The following TMEFF2 variants were observed in gnomAD, a reference collection of about 807,000 sequenced individuals.
TMEFF2 encodes the protein transmembrane protein with EGF like and two follistatin like domains 2.
In TMEFF2, 28 loss-of-function variants were observed where a neutral mutation model predicts 53.8. The observed-to-expected ratio is 0.52, with a 90% CI of 0.39 to 0.71. TMEFF2 has a LOEUF of 0.71. TMEFF2 is among the 30% of genes least tolerant of loss of function. The pLI, the probability that TMEFF2 is intolerant of heterozygous loss-of-function variation, is 0.00. For missense variants in TMEFF2, 353 were observed against 455.2 expected (o/e 0.78, Z 2.04); for synonymous variants, 162 against 166.3 (o/e 0.97, Z 0.20).
chr2:192,042,352 T>A (rs191961314), intron 5 of TMEFF2, among the ~76,000 whole-genome samples: 1 of 152,166 alleles, frequency 6.6e-6, no homozygotes, highest in African/African-American at 2.4e-5. Flanking sequence ...TCACGTGGTG[T>A]TGTCACACAC....
At chr2:192,002,038 T>TTTA (rs112135470) in intron 5 of TMEFF2, among the ~76,000 whole-genome samples, 6,370 of 148,238 alleles carry the variant, frequency 0.043, 435 homozygotes, top group African/African-American at 0.15. Flanking sequence ...TTATTTATTA[T>TTTA]TTTTCAGTTT....
chr2:192,083,330 A>C (rs571804669), intron 4 of TMEFF2, among the ~76,000 whole-genome samples: 1 of 152,206 alleles, frequency 6.6e-6, no homozygotes, highest in Admixed American at 6.5e-5. Flanking sequence ...CAATCATCTA[A>C]ACTCAGTGTA....
At chr2:192,017,175 G>T (rs1466841078) in intron 5 of TMEFF2, among the ~76,000 whole-genome samples, 1 of 152,190 alleles carries the variant, frequency 6.6e-6, no homozygotes, top group African/African-American at 2.4e-5. Flanking sequence ...AGAGCTGGAG[G>T]TTCCCATGCA....
At chr2:192,020,000 T>C (rs1686826325) in intron 5 of TMEFF2, among the ~76,000 whole-genome samples, 1 of 152,146 alleles carries the variant, frequency 6.6e-6, no homozygotes, top group Admixed American at 6.5e-5. Context: ...TTTCATACTA[T>C]GCTTCTAGGA....
chr2:191,975,383 C>G (rs1032024203), intron 7 of TMEFF2, among the ~76,000 whole-genome samples: 6 of 133,388 alleles, frequency 4.5e-5, no homozygotes. Context: ...TTAACAATCT[C>G]TTGTAGTAAA....
At chr2:192,000,456 C>T (rs1177717961) in intron 5 of TMEFF2, among the ~76,000 whole-genome samples, 4 of 152,164 alleles carry the variant, frequency 2.6e-5, no homozygotes, top group African/African-American at 7.2e-5. Flanking sequence ...TAAAACCCAA[C>T]CCCCTCTCTC....
At chr2:192,094,329 G>A (rs546468826) in intron 4 of TMEFF2, among the ~76,000 whole-genome samples, 1 of 152,234 alleles carries the variant, frequency 6.6e-6, no homozygotes, top group Admixed American at 6.5e-5. Flanking sequence ...AATGTGTGAT[G>A]CAGCTTCTCA....
At chr2:191,953,961 T>TC in intron 8 of TMEFF2, 124 bp from the exon 9 acceptor site, 1 of 807,902 alleles carries the variant, frequency 1.2e-6, no homozygotes, top group Non-Finnish European at 1.7e-6. Flanking sequence ...GCATCTCGGC[T>TC]CACTGCAAGT....
At chr2:192,023,449 A>G (rs1174697530) in intron 5 of TMEFF2, among the ~76,000 whole-genome samples, 1 of 152,190 alleles carries the variant, frequency 6.6e-6, no homozygotes, top group African/African-American at 2.4e-5. Flanking sequence ...CATGGGAAAC[A>G]GAAAGGTGAT....
intron 7 of TMEFF2, among the ~76,000 whole-genome samples, chr2:191,956,873 A>T (rs1692117192): frequency 2.6e-5 from 4 of 152,372 alleles, no homozygotes; most frequent in Admixed American, 2.6e-4. Flanking sequence ...CAACAAATGT[A>T]TTCTTTCAGG....
intron 4 of TMEFF2, among the ~76,000 whole-genome samples, chr2:192,172,099 T>A (rs73984907): frequency 0.11 from 17,166 of 151,914 alleles, 1,102 homozygotes; most frequent in African/African-American, 0.16. Context: ...TGCTCACATC[T>A]ATGGTGATTA....
rs185003021 is a variant in TMEFF2 at position 192,069,093 on chromosome 2, A to G, written c.440-11318T>C. On this transcript the variant is annotated intron_variant, in intron 4 of 9. Transcript: ENST00000272771. Reference sequence around the variant, plus strand: ...TAGATCCAGCTACATACCTTCCTTGACCCCCTACTCGACTCACATTGAGAG... The same window carrying G: ...TAGATCCAGCTACATACCTTCCTTGGCCCCCTACTCGACTCACATTGAGAG... 3.0e-3 allele frequency among the ~76,000 whole-genome samples: 449 copies of G among 150,474 alleles called. 1 individual carries two copies. Among genetic ancestry groups the G allele is most frequent in the Non-Finnish European group, 5.0e-3 (338 of 67,414 alleles).
chr2:192,073,311 G>T (rs1688334055), intron 4 of TMEFF2, among the ~76,000 whole-genome samples: 1 of 151,924 alleles, frequency 6.6e-6, no homozygotes, highest in African/African-American at 2.4e-5. Flanking sequence ...ACTGCTATAT[G>T]TTGACAGGAA....
intron 7 of TMEFF2, among the ~76,000 whole-genome samples, chr2:191,997,432 T>C (rs1454298717): frequency 2.0e-5 from 3 of 151,770 alleles, no homozygotes; most frequent in Non-Finnish European, 4.4e-5. Flanking sequence ...GTATATATTT[T>C]AAAAGACAAG....
Position 192,103,113 on chromosome 2 carries a change from A to G in TMEFF2, c.440-45338T>C, listed in dbSNP as rs150137868. 2.0e-3 allele frequency among the ~76,000 whole-genome samples: 297 copies of G among 152,244 alleles called. 3 individuals are homozygous for G. Among genetic ancestry groups the G allele is most frequent in the East Asian group, 0.011 (59 of 5,174 alleles). ...TCAGAAATTAAATTCTATTCTATCA[A>G]TGATACTCACTGTCCTATAACTCAG... is the stretch of plus-strand genomic sequence containing the variant. On this transcript the variant is annotated intron_variant, in intron 4 of 9. Coordinates refer to ENST00000272771, the MANE Select transcript of TMEFF2 (RefSeq NM_016192.4).
chr2:192,008,292 C>T (rs1455894799), intron 5 of TMEFF2, among the ~76,000 whole-genome samples: 1 of 152,202 alleles, frequency 6.6e-6, no homozygotes, highest in African/African-American at 2.4e-5. Context: ...CCTTTCGAGG[C>T]AGAAGTTGCT....
chr2:191,973,440 CATGCATATATACACAT>C (rs1692709998), intron 7 of TMEFF2, among the ~76,000 whole-genome samples: 1 of 151,916 alleles, frequency 6.6e-6, no homozygotes, highest in Non-Finnish European at 1.5e-5. Context: ...CATACACGCA[CATGCATATATACACAT>C]ATGCATATAT....
intron 5 of TMEFF2, chr2:192,030,545 G>A (rs372621214): frequency 1.7e-4 from 26 of 152,146 alleles, no homozygotes; most frequent in African/African-American, 6.0e-4. Flanking sequence ...ACAAGCCACA[G>A]AGTTGCCCAA....
At chr2:191,964,340 C>A (rs1403182712) in intron 7 of TMEFF2, among the ~76,000 whole-genome samples, 8 of 46,436 alleles carry the variant, frequency 1.7e-4, no homozygotes, top group African/African-American at 6.2e-4. Context: ...TTCCTTCTTT[C>A]TTTCTTTCTT....
Sources: gnomAD v4.1 joint callset for allele counts (sites outside exome capture counted in the v4.1 genomes callset) on GRCh38, gnomAD v4.1.1 for gene constraint, MANE v1.5 for transcripts, NCBI Gene and HGNC (gene_info 2026-07-23, HGNC 2026-07-21) for gene names.